SPIRE1: variants seen among roughly 807,000 people sequenced by gnomAD.
SPIRE1 encodes protein spire homolog 1.
Under a neutral mutation model 94.1 loss-of-function variants are expected in SPIRE1, and 40 were observed. The observed-to-expected ratio is 0.43, with a 90% CI of 0.33 to 0.55. The LOEUF is 0.55. SPIRE1 is among the 20% of genes least tolerant of loss of function. The pLI is 0.06. For missense variants in SPIRE1, 838 were observed against 975.2 expected (o/e 0.86, Z 1.87); for synonymous variants, 376 against 371.7 (o/e 1.01, Z -0.13).
intron 2 of SPIRE1, among the ~76,000 whole-genome samples, chr18:12,555,017 C>A (rs914697563): frequency 6.6e-6 from 1 of 152,134 alleles, no homozygotes. Context: ...ATTGCCTAAC[C>A]GACCACCTAC....
intron 4 of SPIRE1, among the ~76,000 whole-genome samples, chr18:12,515,850 C>T (rs942686275): frequency 6.6e-6 from 1 of 152,186 alleles, no homozygotes; most frequent in East Asian, 1.9e-4. Context: ...CCTGTGGGAT[C>T]GGCTGAGGCC....
At chr18:12,533,371 T>C in intron 4 of SPIRE1, among the ~76,000 whole-genome samples, 1 of 152,228 alleles carries the variant, frequency 6.6e-6, no homozygotes, top group East Asian at 1.9e-4. Context: ...TGAAAGTGTG[T>C]TTGCATATCT....
intron 2 of SPIRE1, among the ~76,000 whole-genome samples, chr18:12,631,858 C>G (rs2037790081): frequency 6.6e-6 from 1 of 152,078 alleles, no homozygotes; most frequent in Non-Finnish European, 1.5e-5. Context: ...GAGTGAGACT[C>G]TGTCTCAAAA....
chr18:12,492,110 T>C (rs1323008694), intron 8 of SPIRE1, among the ~76,000 whole-genome samples: 1 of 152,166 alleles, frequency 6.6e-6, no homozygotes, highest in African/African-American at 2.4e-5. Context: ...ATCTGCAATG[T>C]AGACTGTGAG....
chr18:12,581,936 T>C (rs1362667286), intron 2 of SPIRE1, among the ~76,000 whole-genome samples: 1 of 152,172 alleles, frequency 6.6e-6, no homozygotes, highest in East Asian at 1.9e-4. Flanking sequence ...AGAAACTTGA[T>C]GAACTACTTT....
intron 2 of SPIRE1, among the ~76,000 whole-genome samples, chr18:12,578,938 A>C (rs1201592752): frequency 6.6e-6 from 1 of 152,248 alleles, no homozygotes; most frequent in Admixed American, 6.5e-5. Flanking sequence ...ACAGAAGTAA[A>C]GAAAATTTGC....
At chr18:12,462,882 G>A (rs545981601) in intron 12 of SPIRE1, among the ~76,000 whole-genome samples, 4 of 151,800 alleles carry the variant, frequency 2.6e-5, no homozygotes, top group Non-Finnish European at 4.4e-5. Context: ...AACAAACACT[G>A]GTCAAGTTTC....
chr18:12,493,841 C>T (rs762173142), intron 7 of SPIRE1, among the ~76,000 whole-genome samples: 11 of 152,152 alleles, frequency 7.2e-5, no homozygotes, highest in Non-Finnish European at 1.2e-4. Flanking sequence ...TATATGCTAG[C>T]GTGATAGGTA....
At chr18:12,465,680 C>T (rs2032063844) in intron 10 of SPIRE1, among the ~76,000 whole-genome samples, 1 of 152,166 alleles carries the variant, frequency 6.6e-6, no homozygotes, top group South Asian at 2.1e-4. Flanking sequence ...CTGTCTTGCT[C>T]ACTGATGTAT....
chr18:12,579,513 T>C (rs566949343), intron 2 of SPIRE1, among the ~76,000 whole-genome samples: 11 of 152,138 alleles, frequency 7.2e-5, no homozygotes, highest in Non-Finnish European at 1.6e-4. Flanking sequence ...TCCCACTGAA[T>C]AAATACAGAG....
chr18:12,452,598 A>T, intron 14 of SPIRE1, 86 bp from the exon 15 acceptor site: 1 of 1,324,064 alleles, frequency 7.6e-7, no homozygotes, highest in Non-Finnish European at 1.1e-6. Context: ...TACAGTTGTA[A>T]GTTTCCACAA....
At chr18:12,622,964 A>G (rs2037516681) in intron 2 of SPIRE1, among the ~76,000 whole-genome samples, 1 of 152,152 alleles carries the variant, frequency 6.6e-6, no homozygotes, top group Non-Finnish European at 1.5e-5. Flanking sequence ...TCTGTCTTTT[A>G]ATGCAAAGAT....
intron 3 of SPIRE1, among the ~76,000 whole-genome samples, chr18:12,537,484 AC>A (rs1356174605): frequency 6.6e-6 from 1 of 152,226 alleles, no homozygotes; most frequent in Non-Finnish European, 1.5e-5. Context: ...GCTTCACAAA[AC>A]AAAACTTGCA....
At chr18:12,642,847 AGGTG>A (rs2038124235) in intron 1 of SPIRE1, among the ~76,000 whole-genome samples, 8 of 152,214 alleles carry the variant, frequency 5.3e-5, no homozygotes, top group African/African-American at 1.9e-4. Flanking sequence ...ACGGGTTGAC[AGGTG>A]CAGCAAACCA....
intron 10 of SPIRE1, among the ~76,000 whole-genome samples, chr18:12,468,389 G>A (rs1043816068): frequency 6.6e-6 from 1 of 152,134 alleles, no homozygotes; most frequent in African/African-American, 2.4e-5. Context: ...TATATTTCAT[G>A]TCCCTTTTAG....
chr18:12,654,755 C>A (rs1041198425), intron 1 of SPIRE1, among the ~76,000 whole-genome samples: 1 of 151,882 alleles, frequency 6.6e-6, no homozygotes, highest in Non-Finnish European at 1.5e-5. Flanking sequence ...AGAAGTCAGG[C>A]GCAGTGGCTC....
At chr18:12,624,838 A>AAAC (rs1195227850) in intron 2 of SPIRE1, among the ~76,000 whole-genome samples, 3 of 151,784 alleles carry the variant, frequency 2.0e-5, no homozygotes, top group Non-Finnish European at 2.9e-5. Flanking sequence ...TCTCAAAAAA[A>AAAC]AAAAAAAGTA....
At chr18:12,641,918 G>T (rs546818879) in intron 1 of SPIRE1, among the ~76,000 whole-genome samples, 3 of 140,612 alleles carry the variant, frequency 2.1e-5, no homozygotes, top group Non-Finnish European at 4.5e-5. Context: ...TACAGCCTCC[G>T]CCTCCCAGGT....
intron 16 of SPIRE1, 37 bp from the exon 17 acceptor site, chr18:12,449,933 CT>C: frequency 6.3e-7 from 1 of 1,588,046 alleles, no homozygotes. Flanking sequence ...AGCATTGTTA[CT>C]TATAGGTCTG....
Sources: gnomAD v4.1 joint callset for allele counts (sites outside exome capture counted in the v4.1 genomes callset) on GRCh38, gnomAD v4.1.1 for gene constraint, MANE v1.5 for transcripts, NCBI Gene and HGNC (gene_info 2026-07-23, HGNC 2026-07-21) for gene names.